SLC2A10: variants seen among roughly 807,000 people sequenced by gnomAD.
SLC2A10 encodes the protein solute carrier family 2 member 10, also known as solute carrier family 2, facilitated glucose transporter member 10.
In SLC2A10, 25 loss-of-function variants were observed where a neutral mutation model predicts 32.1. The observed-to-expected ratio is 0.78, with a 90% confidence interval of 0.57 to 1.09. The LOEUF is 1.09. Ranked by LOEUF, SLC2A10 falls within the 50% of genes least tolerant of loss-of-function variation. SLC2A10 has a pLI of 0.00. For synonymous variants in SLC2A10, 332 were observed against 309.6 expected, an observed-to-expected ratio of 1.07 and a Z score of -0.76; for missense variants, 673 against 686.5, an observed-to-expected ratio of 0.98 and a Z score of 0.22.
At chr20:46,724,103 A>G (rs1361806089) in intron 1 of SLC2A10, among the ~76,000 whole-genome samples, 3 of 152,020 alleles carry the variant, frequency 2.0e-5, no homozygotes, top group African/African-American at 7.3e-5. Context: ...CTCTGCTCAA[A>G]TTTTTGCTCT....
chr20:46,723,555 T>G (rs1979678092), intron 1 of SLC2A10, among the ~76,000 whole-genome samples: 1 of 152,234 alleles, frequency 6.6e-6, no homozygotes, highest in Admixed American at 6.5e-5. Context: ...CCGATTTGTT[T>G]CCTGTTGGGA....
intron 1 of SLC2A10, among the ~76,000 whole-genome samples, chr20:46,711,816 A>C (rs1165972933): frequency 1.3e-5 from 2 of 152,212 alleles, no homozygotes; most frequent in Non-Finnish European, 2.9e-5. Flanking sequence ...GAGTCTGCCA[A>C]CTTCTCTGGT....
intron 1 of SLC2A10, among the ~76,000 whole-genome samples, chr20:46,721,782 A>T (rs1287478455): frequency 6.6e-6 from 1 of 152,196 alleles, no homozygotes. Context: ...ATTCTCAAAA[A>T]ATGTAGTTCT....
At position 46,733,829 on chromosome 20, in the gene SLC2A10, TCCTGAGGAATC is replaced by T; in HGVS notation, c.1623_*7del. 1 of 1,614,096 alleles carries T rather than the reference TCCTGAGGAATC, an allele frequency of 6.2e-7. No individual in the cohort carries two copies. The highest frequency in any genetic ancestry group is 8.5e-7 in the Non-Finnish European group (1 of 1,179,958). ...CAGCCGCATCGAGATCTCTGCGGCC[TCCTGAGGAATC>T]CGTCTGCCTGGAAATTCTGGAACTG... On this transcript the variant is annotated stop_lost and 3_prime_UTR_variant, in exon 5 of 5. Transcript: ENST00000359271.
intron 3 of SLC2A10, among the ~76,000 whole-genome samples, 193 bp from the exon 4 acceptor site, chr20:46,729,160 G>A (rs1259251808): frequency 6.6e-6 from 1 of 152,194 alleles, no homozygotes; most frequent in Non-Finnish European, 1.5e-5. Context: ...CCCCGCCTTT[G>A]AGACAATCAG....
At chr20:46,728,191 C>T (rs1017215419) in intron 3 of SLC2A10, among the ~76,000 whole-genome samples, 1 of 152,128 alleles carries the variant, frequency 6.6e-6, no homozygotes, top group Non-Finnish European at 1.5e-5. Flanking sequence ...ATCCTTACCC[C>T]GTCCAGCCAG....
chr20:46,710,239 A>G (rs1978830729), intron 1 of SLC2A10: 1 of 401,128 alleles, frequency 2.5e-6, no homozygotes, highest in Non-Finnish European at 4.4e-6. Flanking sequence ...AGGAGATTCT[A>G]ACACAGCATT....
rs549729919 is a variant in SLC2A10, at chr20:46,720,295, G to C, written c.5-4746G>C. Reference sequence around the variant, plus strand: ...CATGAGGACTGGAAGGGGAAAAGAAGCAAATGGCAAGAAAACAGATCTACC... The same window carrying C: ...CATGAGGACTGGAAGGGGAAAAGAACCAAATGGCAAGAAAACAGATCTACC... On this transcript the variant is annotated intron_variant, in intron 1 of 4. Transcript: ENST00000359271. 4.4e-4 allele frequency among the ~76,000 whole-genome samples: 67 copies of C among 152,312 alleles called. No individual in the cohort carries two copies. The South Asian group carries it at 0.013, about 31-fold the overall frequency.
chr20:46,726,409 G>A, intron 2 of SLC2A10, 85 bp downstream of exon 2: 1 of 1,545,092 alleles, frequency 6.5e-7, no homozygotes, highest in Middle Eastern at 1.7e-4. Flanking sequence ...CTGATGACCT[G>A]GCAGGGTGTC....
chr20:46,715,429 G>T (rs1016793073), intron 1 of SLC2A10, among the ~76,000 whole-genome samples: 1 of 152,158 alleles, frequency 6.6e-6, no homozygotes, highest in Non-Finnish European at 1.5e-5. Flanking sequence ...GCTTCACATG[G>T]CCTGGAAGGA....
chr20:46,714,624 T>C, intron 1 of SLC2A10: 1 of 152,688 alleles, frequency 6.5e-6, no homozygotes. Context: ...AAGCATACAG[T>C]ATGTGCCGGG....
At chr20:46,710,371 C>T in intron 1 of SLC2A10, 1 of 260,956 alleles carries the variant, frequency 3.8e-6, no homozygotes, top group East Asian at 6.9e-5. Context: ...TACTACGTGC[C>T]AGACATTGAT....
rs745770639 is a variant in SLC2A10 at position 46,725,061 on chromosome 20, C to G, written c.25C>G (p.Pro9Ala). The stretch of plus-strand genomic sequence containing the variant: ...TTTAGGCCACTCCCCACCTGTCCTG[C>G]CTTTGTGTGCCTCTGTGTCTTTGCT... MGHSPPVL[P>A]LCASVSLLGG... The change falls in exon 2 of 5, where the codon CCT (proline) becomes GCT (alanine). Residue 9 changes from proline to alanine, a missense_variant. Pro to Ala is a conservative substitution (Grantham distance 27). Transcript: ENST00000359271. The G allele has an allele frequency of 6.2e-7, 1 of 1,614,244 alleles. No homozygotes were observed.
chr20:46,708,837 G>A (rs571265188), upstream of SLC2A10, among the ~76,000 whole-genome samples: 1 of 152,100 alleles, frequency 6.6e-6, no homozygotes, highest in African/African-American at 2.4e-5. Flanking sequence ...TCATTTCTGC[G>A]TTTTTTGTAC....
intron 1 of SLC2A10, among the ~76,000 whole-genome samples, chr20:46,716,396 G>A (rs546585766): frequency 9.9e-5 from 15 of 152,038 alleles, no homozygotes; most frequent in Admixed American, 3.3e-4. Context: ...CAAGTGATCC[G>A]CCCGCCTCAG....
At chr20:46,712,652 T>C (rs1978990244) in intron 1 of SLC2A10, among the ~76,000 whole-genome samples, 1 of 36,264 alleles carries the variant, frequency 2.8e-5, no homozygotes, top group Admixed American at 4.5e-4. Flanking sequence ...TCTTTCTTTC[T>C]TTTTTTTTTT....
At chr20:46,726,602 T>C (rs1979977119) in intron 2 of SLC2A10, among the ~76,000 whole-genome samples, 1 of 152,240 alleles carries the variant, frequency 6.6e-6, no homozygotes, top group Non-Finnish European at 1.5e-5. Flanking sequence ...AGGAATTTAA[T>C]GAATAGCGTG....
rs1349313345 is a variant in SLC2A10 at position 46,725,345 on chromosome 20, G to T, written c.309G>T (p.Leu103=). ...CTGGTTCCCTGGCCTGGCTGGTCCT[G>T]GGCCGCGCTGTGGTTGGCTTCGCCA... ...GLAGSLAWLV[L]GRAVVGFAIS... The change falls in exon 2 of 5, where the codon CTG becomes CTT. Residue 103 remains leucine, a synonymous_variant. Transcript: ENST00000359271. 1 of 1,614,094 alleles carries T rather than the reference G, an allele frequency of 6.2e-7. No individual in the cohort carries two copies. Among genetic ancestry groups the T allele is most frequent in the South Asian group, 1.1e-5 (1 of 91,084 alleles).
chr20:46,733,727 C>A (rs1048385923), intron 4 of SLC2A10, 29 bp from the exon 5 acceptor site: 11 of 1,607,778 alleles, frequency 6.8e-6, no homozygotes, highest in Non-Finnish European at 8.5e-6. Context: ...CCTGCCACCC[C>A]CTGATCCCAC....
Sources: gnomAD v4.1 joint callset for allele counts (sites outside exome capture counted in the v4.1 genomes callset) on GRCh38, gnomAD v4.1.1 for gene constraint, MANE v1.5 for transcripts, NCBI Gene and HGNC (gene_info 2026-07-23, HGNC 2026-07-21) for gene names.